Variants in ATP9B observed in about 807,000 individuals in gnomAD.
ATP9B encodes probable phospholipid-transporting ATPase IIB.
Under a neutral mutation model 146.1 loss-of-function variants are expected in ATP9B, and 110 were observed. That is an observed-to-expected ratio of 0.75 (90% confidence interval 0.65 to 0.88). ATP9B has a LOEUF of 0.88. ATP9B is among the 40% of genes least tolerant of loss of function. The probability of loss-of-function intolerance (pLI) is 0.00; values close to 1 mark genes in which losing one functional copy is unlikely to be tolerated. For synonymous variants in ATP9B, 604 were observed against 569.7 expected (o/e 1.06, Z -0.86); for missense variants, 1,499 against 1,496.4 (o/e 1.00, Z -0.03).
intron 7 of ATP9B, among the ~76,000 whole-genome samples, chr18:79,157,005 C>T (rs1349272980): frequency 6.6e-6 from 1 of 152,116 alleles, no homozygotes; most frequent in African/African-American, 2.4e-5. Flanking sequence ...TGTAGTCCTT[C>T]TGTGTGTTGC....
chr18:79,089,151 G>T (rs746601107), intron 1 of ATP9B, among the ~76,000 whole-genome samples: 1 of 151,954 alleles, frequency 6.6e-6, no homozygotes, highest in Non-Finnish European at 1.5e-5. Context: ...CTACAAATTG[G>T]GTTCATTGTA....
At chr18:79,327,547 C>T (rs957892237) in intron 15 of ATP9B, among the ~76,000 whole-genome samples, 15 of 126,238 alleles carry the variant, frequency 1.2e-4, no homozygotes, top group Admixed American at 2.4e-4. Flanking sequence ...GCGTGCTCTC[C>T]GTGGTTAGCG....
intron 1 of ATP9B, among the ~76,000 whole-genome samples, chr18:79,090,948 T>C (rs1303380156): frequency 6.6e-6 from 1 of 152,214 alleles, no homozygotes; most frequent in African/African-American, 2.4e-5. Context: ...TGTTTTAATT[T>C]GATTTTTGTA....
intron 14 of ATP9B, among the ~76,000 whole-genome samples, chr18:79,304,986 T>C (rs1389967841): frequency 1.3e-5 from 2 of 151,706 alleles, no homozygotes; most frequent in Non-Finnish European, 1.5e-5. Flanking sequence ...CCCTGGGGGG[T>C]GTGACAGTTC....
At chr18:79,344,062 C>T (rs1204867077) in intron 20 of ATP9B, 6 of 596,344 alleles carry the variant, frequency 1.0e-5, no homozygotes, top group Middle Eastern at 3.5e-4. Flanking sequence ...AAATGATTGG[C>T]GTTAACTGAG....
At chr18:79,324,048 G>A (rs1353781915) in intron 15 of ATP9B, among the ~76,000 whole-genome samples, 1 of 152,192 alleles carries the variant, frequency 6.6e-6, no homozygotes, top group Non-Finnish European at 1.5e-5. Context: ...ATGATTAAAG[G>A]ATATTGAGCA....
chr18:79,341,213 C>A (rs112100468), intron 19 of ATP9B, among the ~76,000 whole-genome samples: 38 of 118,232 alleles, frequency 3.2e-4, no homozygotes, highest in Non-Finnish European at 5.5e-4. Flanking sequence ...GTGACCTTGT[C>A]GAAGTCTGCA....
chr18:79,196,045 AT>A, intron 9 of ATP9B, among the ~76,000 whole-genome samples: 1 of 152,182 alleles, frequency 6.6e-6, no homozygotes, highest in Non-Finnish European at 1.5e-5. Context: ...ACAGGGAAAA[AT>A]CCTTTGATCT....
intron 8 of ATP9B, among the ~76,000 whole-genome samples, chr18:79,179,170 C>A (rs1041267918): frequency 2.0e-5 from 3 of 152,110 alleles, no homozygotes; most frequent in Non-Finnish European, 2.9e-5. Context: ...TTTTAGGATT[C>A]CTTCTTTCAC....
At chr18:79,249,235 G>T (rs1482920212) in intron 11 of ATP9B, among the ~76,000 whole-genome samples, 1 of 152,190 alleles carries the variant, frequency 6.6e-6, no homozygotes, top group African/African-American at 2.4e-5. Context: ...TGTGATCGTT[G>T]CCATTAGTAG....
At chr18:79,297,207 A>G (rs763842371) in intron 13 of ATP9B, among the ~76,000 whole-genome samples, 4 of 150,030 alleles carry the variant, frequency 2.7e-5, no homozygotes, top group Non-Finnish European at 4.4e-5. Context: ...GACACAGACG[A>G]CCCAGAGAGA....
chr18:79,320,463 C>G (rs2096709166), intron 15 of ATP9B, among the ~76,000 whole-genome samples: 1 of 152,168 alleles, frequency 6.6e-6, no homozygotes, highest in Non-Finnish European at 1.5e-5. Context: ...TCCACACACA[C>G]CAGGGGCATG....
At chr18:79,074,563 A>C (rs994695984) in intron 1 of ATP9B, among the ~76,000 whole-genome samples, 1 of 152,242 alleles carries the variant, frequency 6.6e-6, no homozygotes, top group African/African-American at 2.4e-5. Flanking sequence ...CATGAGGGGC[A>C]CAGAGCCTTA....
intron 13 of ATP9B, 115 bp from the exon 14 acceptor site, chr18:79,303,489 G>T: frequency 1.4e-6 from 1 of 694,574 alleles, no homozygotes; most frequent in Non-Finnish European, 2.5e-6. Flanking sequence ...TTATACAGTT[G>T]GGCATCCCAG....
chr18:79,163,501 T>TG (rs1201551726), intron 7 of ATP9B, among the ~76,000 whole-genome samples: 4 of 152,168 alleles, frequency 2.6e-5, no homozygotes, highest in Admixed American at 2.6e-4. Context: ...ATGTGTCAGA[T>TG]AGAGTCTAGA....
At chr18:79,071,001 T>A (rs2071676278) in intron 1 of ATP9B, among the ~76,000 whole-genome samples, 1 of 152,010 alleles carries the variant, frequency 6.6e-6, no homozygotes, top group Admixed American at 6.6e-5. Flanking sequence ...AGTGTGCCAT[T>A]TATTATCTGT....
intron 1 of ATP9B, among the ~76,000 whole-genome samples, chr18:79,091,175 G>A (rs1220738832): frequency 6.6e-6 from 1 of 152,204 alleles, no homozygotes; most frequent in South Asian, 2.1e-4. Flanking sequence ...TGCTGTTTTG[G>A]TTACTATAGC....
At chr18:79,088,385 T>G (rs2074026433) in intron 1 of ATP9B, among the ~76,000 whole-genome samples, 1 of 152,242 alleles carries the variant, frequency 6.6e-6, no homozygotes, top group Non-Finnish European at 1.5e-5. Context: ...GTTGACTGTT[T>G]TAAAAGAAGT....
intron 8 of ATP9B, among the ~76,000 whole-genome samples, chr18:79,189,899 AC>A (rs1366069411): frequency 1.3e-5 from 2 of 152,230 alleles, no homozygotes; most frequent in South Asian, 4.1e-4. Flanking sequence ...CCATGGTATT[AC>A]GCCAAACACG....
Sources: allele counts gnomAD v4.1 joint callset (sites outside exome capture counted in the v4.1 genomes callset), GRCh38; gene constraint gnomAD v4.1.1; transcripts MANE v1.5; gene names NCBI Gene and HGNC (gene_info 2026-07-23, HGNC 2026-07-21).